The following NBEA variants were observed in gnomAD, a reference collection of about 807,000 sequenced individuals.
NBEA encodes neurobeachin, also known as lysosomal-trafficking regulator 2.
Under a neutral mutation model 343.4 loss-of-function variants are expected in NBEA, and 44 were observed. The ratio of observed to expected loss-of-function variants is 0.13; its 90% CI spans 0.10 to 0.16. NBEA has a LOEUF of 0.16. NBEA is among the 10% of genes least tolerant of loss of function. The pLI, the probability that NBEA is intolerant of heterozygous loss-of-function variation, is 1.00. For missense variants in NBEA, 2,555 were observed against 3,631.3 expected (o/e 0.70, Z 7.62); for synonymous variants, 1,175 against 1,238.7 (o/e 0.95, Z 1.08).
intron 41 of NBEA, among the ~76,000 whole-genome samples, chr13:35,503,135 C>T (rs1190827331): frequency 1.3e-5 from 2 of 151,402 alleles, no homozygotes. Flanking sequence ...TATTTTTTTC[C>T]TTATAATGAA....
At chr13:35,533,048 T>C (rs889429743) in intron 41 of NBEA, among the ~76,000 whole-genome samples, 2 of 152,156 alleles carry the variant, frequency 1.3e-5, no homozygotes, top group Non-Finnish European at 2.9e-5. Flanking sequence ...TATATACAAA[T>C]ACAATTTTGA....
At chr13:35,183,912 C>A in intron 29 of NBEA, 64 bp from the exon 30 acceptor site, 2 of 1,158,870 alleles carry the variant, frequency 1.7e-6, no homozygotes, top group Non-Finnish European at 2.5e-6. Context: ...CATGGATCTT[C>A]AGTGGACCAT....
At chr13:35,192,611 C>A (rs1339315904) in intron 30 of NBEA, among the ~76,000 whole-genome samples, 1 of 151,824 alleles carries the variant, frequency 6.6e-6, no homozygotes, top group Non-Finnish European at 1.5e-5. Flanking sequence ...TATTTGATTT[C>A]TAGAAACTTC....
chr13:35,383,108 T>C (rs1402413392), intron 38 of NBEA, among the ~76,000 whole-genome samples: 1 of 152,210 alleles, frequency 6.6e-6, no homozygotes, highest in Non-Finnish European at 1.5e-5. Flanking sequence ...TGAGGAAATT[T>C]GAATTGTAAG....
intron 41 of NBEA, among the ~76,000 whole-genome samples, chr13:35,499,424 T>C (rs1298358245): frequency 6.6e-6 from 1 of 152,094 alleles, no homozygotes; most frequent in Non-Finnish European, 1.5e-5. Context: ...TCCGTGTTGA[T>C]GCCTGCCTCT....
intron 41 of NBEA, among the ~76,000 whole-genome samples, chr13:35,518,807 A>C (rs185595981): frequency 6.6e-6 from 1 of 152,276 alleles, no homozygotes. Context: ...TCTGCATCCT[A>C]CCGAGCTTTG....
At chr13:35,050,184 T>G in intron 5 of NBEA, 85 bp from the exon 6 acceptor site, 1 of 1,304,322 alleles carries the variant, frequency 7.7e-7, no homozygotes, top group East Asian at 2.5e-5. Context: ...AAATAAGTTT[T>G]ATTTTTATAA....
chr13:35,554,181 T>C (rs529886363), intron 43 of NBEA, among the ~76,000 whole-genome samples: 1 of 152,358 alleles, frequency 6.6e-6, no homozygotes, highest in South Asian at 2.1e-4. Context: ...TATTGAGTTG[T>C]TAGAGCTAAC....
At chr13:34,965,102 T>C (rs1418722121) in intron 1 of NBEA, among the ~76,000 whole-genome samples, 1 of 152,046 alleles carries the variant, frequency 6.6e-6, no homozygotes, top group Non-Finnish European at 1.5e-5. Flanking sequence ...CTGACAGAAC[T>C]ATAAAGACCT....
intron 35 of NBEA, among the ~76,000 whole-genome samples, chr13:35,308,694 ATATATATTTAAAACCCCAAAATATG>A (rs1000563967): frequency 2.7e-5 from 4 of 147,030 alleles, no homozygotes; most frequent in Non-Finnish European, 6.0e-5. Flanking sequence ...ATATATTTAA[ATATATATTTAAAACCCCAAAATATG>A]TATATATTTA....
In NBEA at chr13:35,142,345, G is replaced by C. The variant is rs1365156938; in HGVS notation, c.2413G>C (p.Val805Leu). ...GERLMLHTNT[V>L]TVTTYNTLYE... ...AAGGCTGATGTTGCATACAAACACT[G>C]TGACTGTCACCACATACAACACACT... Residue 805 changes from valine (V) to leucine (L), a missense_variant, in exon 18 of 59, where the codon GTG (valine) becomes CTG (leucine). This residue lies in a region of NBEA where 360 missense variants were observed against 519.1 expected (regional missense o/e 0.69). Transcript: ENST00000379939. 6.2e-7 allele frequency: 1 copy of C among 1,612,922 alleles called. No homozygotes were observed. The highest frequency in any genetic ancestry group is 8.5e-7 in the Non-Finnish European group (1 of 1,179,284).
At chr13:35,316,669 T>C (rs188538331) in intron 36 of NBEA, among the ~76,000 whole-genome samples, 1 of 152,290 alleles carries the variant, frequency 6.6e-6, no homozygotes, top group African/African-American at 2.4e-5. Context: ...TTCTAGATCC[T>C]AGAGGAATTG....
intron 41 of NBEA, among the ~76,000 whole-genome samples, chr13:35,486,102 C>T (rs961834290): frequency 6.6e-6 from 1 of 152,046 alleles, no homozygotes; most frequent in African/African-American, 2.4e-5. Flanking sequence ...TCAATTCTCC[C>T]ACTGCTTGTA....
intron 36 of NBEA, among the ~76,000 whole-genome samples, chr13:35,313,647 A>G (rs565942714): frequency 3.7e-5 from 5 of 135,844 alleles, no homozygotes; most frequent in African/African-American, 1.4e-4. Flanking sequence ...ATCCTACCCT[A>G]TTAGAGTTTA....
intron 44 of NBEA, among the ~76,000 whole-genome samples, chr13:35,560,292 C>T (rs374542191): frequency 2.0e-5 from 3 of 152,174 alleles, no homozygotes; most frequent in African/African-American, 7.2e-5. Context: ...CAGTCACCAG[C>T]TTTAACTTAT....
chr13:35,184,865 C>G (rs1253663299), intron 30 of NBEA, among the ~76,000 whole-genome samples: 1 of 152,050 alleles, frequency 6.6e-6, no homozygotes, highest in Non-Finnish European at 1.5e-5. Flanking sequence ...AGGTAGAATT[C>G]TGTGATAGCT....
intron 41 of NBEA, among the ~76,000 whole-genome samples, chr13:35,515,935 A>T (rs1403195602): frequency 6.6e-6 from 1 of 152,232 alleles, no homozygotes; most frequent in East Asian, 1.9e-4. Context: ...ATTATAACAT[A>T]GCAACCACTA....
At chr13:35,170,450 C>T (rs902699529) in intron 25 of NBEA, among the ~76,000 whole-genome samples, 1 of 151,566 alleles carries the variant, frequency 6.6e-6, no homozygotes, top group Non-Finnish European at 1.5e-5. Flanking sequence ...TCCTAAGGAA[C>T]AAAAATAATT....
chr13:35,493,831 T>C (rs2076581080), intron 41 of NBEA, among the ~76,000 whole-genome samples: 1 of 151,966 alleles, frequency 6.6e-6, no homozygotes, highest in African/African-American at 2.4e-5. Context: ...AGTTTTACCT[T>C]TAAAGGTGTA....
Sources: allele counts gnomAD v4.1 joint callset (sites outside exome capture counted in the v4.1 genomes callset), GRCh38; gene constraint gnomAD v4.1.1; regional missense constraint gnomAD v4.1.1; transcripts MANE v1.5; gene names NCBI Gene and HGNC (gene_info 2026-07-23, HGNC 2026-07-21).